Variants in LINGO2 observed in about 807,000 individuals in gnomAD.
The protein encoded by LINGO2 is leucine-rich repeat and immunoglobulin-like domain-containing nogo receptor-interacting protein 2.
LINGO2 carries 14 observed loss-of-function variants against 30.6 expected under a neutral mutation model. The observed-to-expected ratio is 0.46, with a 90% CI of 0.30 to 0.72. The LOEUF is 0.72. LINGO2 is among the 30% of genes least tolerant of loss of function. The probability of loss-of-function intolerance (pLI) is 0.07; values close to 1 mark genes in which losing one functional copy is unlikely to be tolerated. For synonymous variants in LINGO2, 317 were observed against 288.5 expected (o/e 1.10, Z -1.00); for missense variants, 729 against 751.7 (o/e 0.97, Z 0.35).
exon 6 of LINGO2, chr9:27,949,946 A>C: frequency 3.7e-6 from 6 of 1,614,146 alleles, no homozygotes; most frequent in Non-Finnish European, 5.1e-6. Flanking sequence ...GGCTATTGGC[A>C]GGCATCATAT....
At chr9:28,854,655 G>T in the LINGO2 span, among the ~76,000 whole-genome samples, 1 of 151,672 alleles carries the variant, frequency 6.6e-6, no homozygotes, top group Non-Finnish European at 1.5e-5. Flanking sequence ...TGTAATTTAG[G>T]CTATTTATTT....
intron 1 of LINGO2, among the ~76,000 whole-genome samples, chr9:28,627,118 C>A (rs1826718025): frequency 6.6e-6 from 1 of 151,740 alleles, no homozygotes; most frequent in Non-Finnish European, 1.5e-5. Context: ...TAAATTTTAT[C>A]TTTTCAAGGC....
the LINGO2 span, among the ~76,000 whole-genome samples, chr9:29,207,117 C>T: frequency 6.6e-6 from 1 of 150,836 alleles, no homozygotes; most frequent in Non-Finnish European, 1.5e-5. Context: ...CATATGCTGT[C>T]TATATACATA....
At position 28,100,288 on chromosome 9, in the gene LINGO2, C is replaced by A. The variant is rs372641652; in HGVS notation, c.-86-87883G>T. On this transcript the variant is annotated intron_variant, in intron 4 of 5. Transcript: ENST00000379992. ...CCACACATTTCAGAGCAACAAAAATCTCTTACAATGTGAGCTCTTAGCATG... is the reference window on the plus strand; with the variant it reads ...CCACACATTTCAGAGCAACAAAAATATCTTACAATGTGAGCTCTTAGCATG... Among the ~76,000 whole-genome samples the A allele has an allele frequency of 6.0e-4, 91 of 152,260 alleles. 1 individual carries two copies. Among genetic ancestry groups the A allele is most frequent in the Admixed American group, 1.7e-3 (26 of 15,268 alleles).
chr9:28,944,981 T>G, the LINGO2 span, among the ~76,000 whole-genome samples: 1 of 152,142 alleles, frequency 6.6e-6, no homozygotes, highest in Admixed American at 6.5e-5. Context: ...GAAGGTGAAT[T>G]AAGTGTTCAG....
At chr9:28,702,360 T>G in the LINGO2 span, among the ~76,000 whole-genome samples, 5 of 151,886 alleles carry the variant, frequency 3.3e-5, no homozygotes, top group African/African-American at 9.7e-5. Context: ...TTAAATGATC[T>G]TCCTATATCT....
chr9:28,791,046 G>A, the LINGO2 span, among the ~76,000 whole-genome samples: 1,005 of 152,114 alleles, frequency 6.6e-3, 13 homozygotes, highest in African/African-American at 0.023. Context: ...AAAAATGTAT[G>A]CCAACTTATG....
chr9:28,313,146 G>A (rs1261457536), intron 3 of LINGO2, among the ~76,000 whole-genome samples: 1 of 152,122 alleles, frequency 6.6e-6, no homozygotes, highest in African/African-American at 2.4e-5. Flanking sequence ...GTTTTGTAAC[G>A]AGACTACATA....
chr9:27,986,517 C>T (rs1821132140), intron 5 of LINGO2, among the ~76,000 whole-genome samples: 1 of 151,604 alleles, frequency 6.6e-6, no homozygotes, highest in Non-Finnish European at 1.5e-5. Flanking sequence ...GTGGGACTTC[C>T]TAGTACTATT....
chr9:29,028,418 GT>G, the LINGO2 span, among the ~76,000 whole-genome samples: 1 of 45,652 alleles, frequency 2.2e-5, no homozygotes, highest in Admixed American at 3.0e-4. Context: ...TGGGTAGTGT[GT>G]GGGGGGGGGT....
At chr9:28,268,460 A>G (rs1306207684) in intron 4 of LINGO2, among the ~76,000 whole-genome samples, 1 of 152,074 alleles carries the variant, frequency 6.6e-6, no homozygotes, top group Non-Finnish European at 1.5e-5. Flanking sequence ...GTTTTCAGGT[A>G]ATTGCATTTA....
intron 2 of LINGO2, among the ~76,000 whole-genome samples, chr9:28,376,314 G>A (rs913300707): frequency 6.6e-6 from 1 of 152,142 alleles, no homozygotes; most frequent in African/African-American, 2.4e-5. Flanking sequence ...TATCTATTGT[G>A]AGCTTGAATA....
At chr9:29,154,002 G>A in the LINGO2 span, among the ~76,000 whole-genome samples, 1 of 152,128 alleles carries the variant, frequency 6.6e-6, no homozygotes, top group Non-Finnish European at 1.5e-5. Flanking sequence ...AACTGATGCT[G>A]ATGGAGTTAT....
the LINGO2 span, among the ~76,000 whole-genome samples, chr9:28,968,978 T>C: frequency 1.3e-5 from 2 of 152,166 alleles, no homozygotes; most frequent in African/African-American, 4.8e-5. Context: ...TAAAAGAGAA[T>C]GTGGGAGCAC....
Position 28,249,454 on chromosome 9 carries a change from G to A in LINGO2, c.-87+45754C>T, listed in dbSNP as rs186880676. Among the ~76,000 whole-genome samples, 3 of 152,206 alleles carry A rather than the reference G, an allele frequency of 2.0e-5. No individual in the cohort carries two copies. In the East Asian group the frequency reaches 5.8e-4, roughly 29 times the overall value. On this transcript the variant is annotated intron_variant, in intron 4 of 5. Transcript: ENST00000379992. ...GCTTATGGTAAGTGATTGGCAACAA[G>A]AATTATTGAAAACGTAGAATAAAAG...
intron 4 of LINGO2, among the ~76,000 whole-genome samples, chr9:28,214,659 T>A (rs1250968848): frequency 6.6e-6 from 1 of 151,424 alleles, no homozygotes; most frequent in Non-Finnish European, 1.5e-5. Flanking sequence ...ACTAAGAAAA[T>A]AGTGTCATCT....
chr9:29,176,264 A>C, the LINGO2 span, among the ~76,000 whole-genome samples: 1 of 152,040 alleles, frequency 6.6e-6, no homozygotes, highest in Non-Finnish European at 1.5e-5. Flanking sequence ...ATCTTCTCTC[A>C]CTCTTGTTTT....
chr9:29,204,286 ATCTT>A, the LINGO2 span, among the ~76,000 whole-genome samples: 1 of 152,224 alleles, frequency 6.6e-6, no homozygotes, highest in Non-Finnish European at 1.5e-5. Context: ...TCTTAGGAAA[ATCTT>A]TCTATCTTTC....
At chr9:28,960,494 C>G in the LINGO2 span, among the ~76,000 whole-genome samples, 1 of 151,082 alleles carries the variant, frequency 6.6e-6, no homozygotes. Context: ...CAGGGTACGA[C>G]CTTTTCTCTA....
Sources: gnomAD v4.1 joint callset for allele counts (sites outside exome capture counted in the v4.1 genomes callset) on GRCh38, gnomAD v4.1.1 for gene constraint, MANE v1.5 for transcripts, NCBI Gene and HGNC (gene_info 2026-07-23, HGNC 2026-07-21) for gene names.